The following CPQ variants were observed in gnomAD, a reference collection of about 807,000 sequenced individuals.
CPQ encodes the protein Ser-Met dipeptidase.
In CPQ, 37 loss-of-function variants were observed where a neutral mutation model predicts 45.7. That is an observed-to-expected ratio of 0.81 (90% CI 0.62 to 1.07). The LOEUF is 1.07. CPQ is among the 50% of genes least tolerant of loss of function. The pLI is 0.00. For missense variants in CPQ, 537 were observed against 572.9 expected (o/e 0.94, Z 0.64); for synonymous variants, 186 against 205.8 (o/e 0.90, Z 0.82).
At chr8:96,742,556 G>A (rs1034410033) in intron 1 of CPQ, among the ~76,000 whole-genome samples, 1 of 151,982 alleles carries the variant, frequency 6.6e-6, no homozygotes, top group African/African-American at 2.4e-5. Context: ...AGTTGATGCA[G>A]TTTCTTCCTA....
At chr8:96,953,870 T>C (rs1292772974) in intron 4 of CPQ, among the ~76,000 whole-genome samples, 1 of 152,172 alleles carries the variant, frequency 6.6e-6, no homozygotes, top group African/African-American at 2.4e-5. Flanking sequence ...CCCCACTGAA[T>C]TATCTTGTCA....
At chr8:96,836,015 T>G (rs1811524906) in intron 3 of CPQ, among the ~76,000 whole-genome samples, 3 of 152,192 alleles carry the variant, frequency 2.0e-5, no homozygotes, top group African/African-American at 7.2e-5. Context: ...TTAATAGCTA[T>G]TATGGCAGTG....
intron 1 of CPQ, among the ~76,000 whole-genome samples, chr8:96,662,518 A>G (rs1815711705): frequency 6.6e-6 from 1 of 152,202 alleles, no homozygotes; most frequent in Non-Finnish European, 1.5e-5. Context: ...GAAGAACTGC[A>G]TCCTTAAAGC....
At chr8:96,746,958 GT>G (rs1246511658) in intron 1 of CPQ, among the ~76,000 whole-genome samples, 1 of 152,144 alleles carries the variant, frequency 6.6e-6, no homozygotes, top group East Asian at 1.9e-4. Flanking sequence ...TGGATTTTAA[GT>G]AGTATGTTAT....
chr8:97,009,330 T>C (rs941234085), intron 5 of CPQ, among the ~76,000 whole-genome samples: 1 of 152,240 alleles, frequency 6.6e-6, no homozygotes, highest in Non-Finnish European at 1.5e-5. Flanking sequence ...TCCAGCATTC[T>C]TTCTTCTTGG....
intron 7 of CPQ, among the ~76,000 whole-genome samples, chr8:97,081,924 C>T (rs1810957116): frequency 6.6e-6 from 1 of 152,154 alleles, no homozygotes; most frequent in Admixed American, 6.6e-5. Context: ...ATACCTACCT[C>T]ATGAGATTAT....
At position 96,982,247 on chromosome 8, in the gene CPQ, T is replaced by C. The variant is rs2130389894; in HGVS notation, c.961+16201T>C. On this transcript the variant is annotated intron_variant, in intron 5 of 7. Coordinates refer to ENST00000220763, the MANE Select transcript of CPQ (RefSeq NM_016134.4). ...AGCATCATTTTACTAATCACAAATA[T>C]ATAACATTTCCCGATTTTTTTAAAT... 2.0e-5 allele frequency among the ~76,000 whole-genome samples: 3 copies of C among 152,348 alleles called. No individual in the cohort carries two copies. In the South Asian group the frequency reaches 6.2e-4, roughly 32 times the overall value.
At chr8:96,883,053 T>A (rs1441907172) in intron 4 of CPQ, among the ~76,000 whole-genome samples, 1 of 152,240 alleles carries the variant, frequency 6.6e-6, no homozygotes, top group Non-Finnish European at 1.5e-5. Context: ...CTGTGAGGCT[T>A]ATTTCACTCA....
chr8:96,835,234 G>A, intron 3 of CPQ, 54 bp downstream of exon 3: 2 of 1,332,166 alleles, frequency 1.5e-6, no homozygotes, highest in African/African-American at 1.5e-5. Context: ...TTTCCGTGAA[G>A]GAAAAGTCCT....
At chr8:96,742,739 T>C (rs1563485355) in intron 1 of CPQ, among the ~76,000 whole-genome samples, 1 of 152,188 alleles carries the variant, frequency 6.6e-6, no homozygotes, top group Non-Finnish European at 1.5e-5. Context: ...TTATGAAGCT[T>C]AGTTTGGCTG....
At chr8:96,754,622 A>G (rs1406671383) in intron 1 of CPQ, among the ~76,000 whole-genome samples, 1 of 152,042 alleles carries the variant, frequency 6.6e-6, no homozygotes, top group African/African-American at 2.4e-5. Context: ...CAGCTTTCTT[A>G]TAATATTGAA....
Position 97,066,217 on chromosome 8 carries a change from C to G in CPQ, c.1255+7C>G, listed in dbSNP as rs1447390443. 1 of 1,605,676 alleles carries G rather than the reference C, an allele frequency of 6.2e-7. No individual in the cohort carries two copies. The highest frequency in any genetic ancestry group is 2.2e-5 in the East Asian group (1 of 44,676). The stretch of plus-strand genomic sequence containing the variant: ...ATCCAAGCTGGAGTGCCTGGTAAGA[C>G]CAAAAGATGAAGTTGTGTTCCTTAT... On this transcript the variant is annotated splice_region_variant and intron_variant, in intron 7 of 7. Transcript: ENST00000220763.
chr8:96,853,190 A>G (rs960748709), intron 3 of CPQ, among the ~76,000 whole-genome samples: 5 of 152,232 alleles, frequency 3.3e-5, no homozygotes, highest in African/African-American at 1.2e-4. Context: ...CTCACTTTCC[A>G]GAAAGGGAAC....
chr8:97,035,387 G>T (rs1044648987), intron 6 of CPQ, among the ~76,000 whole-genome samples: 1 of 152,088 alleles, frequency 6.6e-6, no homozygotes, highest in African/African-American at 2.4e-5. Context: ...TCTTTTCTGG[G>T]AGTATAATTG....
chr8:97,105,337 T>G (rs2130585752), intron 7 of CPQ, among the ~76,000 whole-genome samples: 1 of 152,350 alleles, frequency 6.6e-6, no homozygotes, highest in East Asian at 1.9e-4. Context: ...GTGACTGGCT[T>G]ATTTCACTTA....
chr8:96,746,301 A>C lies in CPQ; in HGVS notation c.-34-38563A>C, dbSNP rs186536821. 2.8e-3 allele frequency among the ~76,000 whole-genome samples: 425 copies of C among 152,332 alleles called. 1 individual carries two copies. Among genetic ancestry groups the C allele is most frequent in the African/African-American group, 9.7e-3 (404 of 41,578 alleles). ...TAATATATTAAAACCCTTAATAATA[A>C]ATTCATAGCACTTAAAATACAAATA... is the stretch of plus-strand genomic sequence containing the variant. On this transcript the variant is annotated intron_variant, in intron 1 of 7. Coordinates refer to ENST00000220763, the MANE Select transcript of CPQ (RefSeq NM_016134.4).
intron 5 of CPQ, among the ~76,000 whole-genome samples, chr8:97,023,123 T>TAC (rs1265603290): frequency 1.4e-5 from 2 of 147,386 alleles, no homozygotes; most frequent in East Asian, 4.0e-4. Flanking sequence ...TATATATATA[T>TAC]ACTATATATG....
intron 4 of CPQ, among the ~76,000 whole-genome samples, chr8:96,954,824 C>G (rs1216927553): frequency 6.6e-6 from 1 of 151,984 alleles, no homozygotes; most frequent in Non-Finnish European, 1.5e-5. Flanking sequence ...TCAATTCCCA[C>G]CTATGAGTGA....
chr8:97,035,693 TTTGTTTGTA>T (rs955779988), intron 6 of CPQ, among the ~76,000 whole-genome samples: 20 of 69,876 alleles, frequency 2.9e-4, no homozygotes, highest in African/African-American at 9.1e-4. Context: ...TGTTTGTTTG[TTTGTTTGTA>T]TTGTTTTGTT....
Sources: gnomAD v4.1 joint callset for allele counts (sites outside exome capture counted in the v4.1 genomes callset) on GRCh38, gnomAD v4.1.1 for gene constraint, MANE v1.5 for transcripts, NCBI Gene and HGNC (gene_info 2026-07-23, HGNC 2026-07-21) for gene names.